The following MNAT1 variants were observed in gnomAD, a reference collection of about 807,000 sequenced individuals.
MNAT1 encodes CDK-activating kinase assembly factor MAT1.
A neutral mutation model predicts 42.0 loss-of-function variants in MNAT1; 43 were observed. The ratio of observed to expected loss-of-function variants is 1.02; its 90% CI spans 0.80 to 1.32. The LOEUF (loss-of-function observed/expected upper bound fraction) is 1.32. Among genes scored for constraint, MNAT1 ranks in the 40% most tolerant of loss-of-function variants. MNAT1 has a pLI of 0.00. For synonymous variants in MNAT1, 118 were observed against 120.0 expected (o/e 0.98, Z 0.11); for missense variants, 306 against 350.4 (o/e 0.87, Z 1.01).
intron 3 of MNAT1, among the ~76,000 whole-genome samples, chr14:60,801,177 G>A (rs1451947167): frequency 6.6e-6 from 1 of 151,802 alleles, no homozygotes; most frequent in Non-Finnish European, 1.5e-5. Context: ...AAAAACATTT[G>A]TAACAAAAGA....
intron 5 of MNAT1, among the ~76,000 whole-genome samples, chr14:60,816,047 A>G (rs1332618873): frequency 6.6e-6 from 1 of 152,140 alleles, no homozygotes; most frequent in Non-Finnish European, 1.5e-5. Flanking sequence ...TGTTTAAAAA[A>G]CAATAGCATT....
intron 7 of MNAT1, among the ~76,000 whole-genome samples, chr14:60,918,040 T>C (rs1298487537): frequency 6.6e-6 from 1 of 151,882 alleles, no homozygotes; most frequent in East Asian, 1.9e-4. Flanking sequence ...CTTACTCTTT[T>C]TGTCTTTGCT....
At chr14:60,903,410 A>G (rs1469971034) in intron 7 of MNAT1, among the ~76,000 whole-genome samples, 1 of 152,160 alleles carries the variant, frequency 6.6e-6, no homozygotes, top group Non-Finnish European at 1.5e-5. Flanking sequence ...TTTTAAATGG[A>G]TTAGTTTACG....
At chr14:60,851,921 T>C (rs753013197) in intron 6 of MNAT1, among the ~76,000 whole-genome samples, 1 of 152,220 alleles carries the variant, frequency 6.6e-6, no homozygotes, top group African/African-American at 2.4e-5. Context: ...ATGGTGTATA[T>C]GTGCCACATT....
intron 2 of MNAT1, 22 bp downstream of exon 2, chr14:60,796,391 A>G: frequency 6.3e-7 from 1 of 1,599,060 alleles, no homozygotes; most frequent in Non-Finnish European, 8.5e-7. Context: ...TGCTCGAATG[A>G]TTCAGTCAAC....
chr14:60,839,705 T>C (rs1007480556), intron 6 of MNAT1, among the ~76,000 whole-genome samples: 2 of 152,234 alleles, frequency 1.3e-5, no homozygotes, highest in Non-Finnish European at 2.9e-5. Flanking sequence ...AGCTTTCCAG[T>C]GTCACCATGT....
chr14:60,862,162 C>G (rs1467980116), intron 6 of MNAT1, among the ~76,000 whole-genome samples: 2 of 152,106 alleles, frequency 1.3e-5, no homozygotes, highest in Admixed American at 1.3e-4. Context: ...TTACTTTGCT[C>G]TTGCTAAAGA....
chr14:60,789,148 G>A (rs1270997836), intron 1 of MNAT1, among the ~76,000 whole-genome samples: 1 of 152,014 alleles, frequency 6.6e-6, no homozygotes, highest in Non-Finnish European at 1.5e-5. Context: ...TTATTAATTG[G>A]CCTAATTTAA....
intron 6 of MNAT1, among the ~76,000 whole-genome samples, chr14:60,819,895 A>G (rs1034424648): frequency 1.3e-5 from 2 of 152,182 alleles, no homozygotes; most frequent in Non-Finnish European, 2.9e-5. Flanking sequence ...AGTACACAGT[A>G]TAGTACTTGG....
intron 6 of MNAT1, among the ~76,000 whole-genome samples, chr14:60,876,957 C>T (rs938092783): frequency 1.3e-5 from 2 of 152,122 alleles, no homozygotes; most frequent in Non-Finnish European, 1.5e-5. Context: ...CAGAATCCAT[C>T]CAATTGTTGG....
At chr14:60,832,672 T>G (rs972878667) in intron 6 of MNAT1, among the ~76,000 whole-genome samples, 1 of 152,132 alleles carries the variant, frequency 6.6e-6, no homozygotes, top group African/African-American at 2.4e-5. Flanking sequence ...CTTTTTTTTT[T>G]GGTTCCATAT....
intron 6 of MNAT1, among the ~76,000 whole-genome samples, chr14:60,851,194 C>T (rs2033811780): frequency 6.6e-6 from 1 of 152,156 alleles, no homozygotes; most frequent in African/African-American, 2.4e-5. Context: ...CTTGGATGAA[C>T]TCATCCAAGT....
At chr14:60,967,965 T>C (rs2036713216) in intron 7 of MNAT1, among the ~76,000 whole-genome samples, 1 of 152,198 alleles carries the variant, frequency 6.6e-6, no homozygotes, top group Non-Finnish European at 1.5e-5. Context: ...AGTGAATATT[T>C]TAGAATTATT....
chr14:60,883,173 G>T (rs186804166), intron 7 of MNAT1, among the ~76,000 whole-genome samples: 1 of 152,076 alleles, frequency 6.6e-6, no homozygotes, highest in South Asian at 2.1e-4. Context: ...ATCCTGGAGC[G>T]TTTCCCCAAT....
intron 1 of MNAT1, among the ~76,000 whole-genome samples, chr14:60,785,413 C>T (rs2031616496): frequency 6.6e-6 from 1 of 151,826 alleles, no homozygotes; most frequent in Non-Finnish European, 1.5e-5. Flanking sequence ...ATTGATTTTC[C>T]CTAGTGTTTA....
chr14:60,756,398 T>C (rs2030350548), intron 1 of MNAT1, among the ~76,000 whole-genome samples: 1 of 152,256 alleles, frequency 6.6e-6, no homozygotes, highest in African/African-American at 2.4e-5. Context: ...TGCGTTATTG[T>C]ACATGAAATT....
rs190627846 is a variant in MNAT1, at chr14:60,911,310, G to T, written c.809+31475G>T. ...TCATTGATTTTTTTAAGGGTTTTTTGTGTCTCTATTTCCGTCAGTTCTGCT... is the reference window on the plus strand; with the variant it reads ...TCATTGATTTTTTTAAGGGTTTTTTTTGTCTCTATTTCCGTCAGTTCTGCT... On this transcript the variant is annotated intron_variant, in intron 7 of 7. Coordinates refer to ENST00000261245, the MANE Select transcript of MNAT1 (RefSeq NM_002431.4). Among the ~76,000 whole-genome samples the T allele has an allele frequency of 1.8e-3, 281 of 152,164 alleles. 3 individuals carry two copies. In the East Asian group the frequency reaches 0.05, roughly 27 times the overall value.
intron 7 of MNAT1, among the ~76,000 whole-genome samples, chr14:60,912,783 T>G (rs767627612): frequency 4.7e-4 from 71 of 152,180 alleles, no homozygotes; most frequent in Non-Finnish European, 7.9e-4. Flanking sequence ...TCAACTTTGG[T>G]GAATCTGACA....
chr14:60,904,999 G>C (rs1253642737), intron 7 of MNAT1, among the ~76,000 whole-genome samples: 5 of 3,420 alleles, frequency 1.5e-3, no homozygotes, highest in African/African-American at 2.1e-3. Flanking sequence ...TTTTTGGACG[G>C]AGTCTCGCTC....
Sources: gnomAD v4.1 joint callset for allele counts (sites outside exome capture counted in the v4.1 genomes callset) on GRCh38, gnomAD v4.1.1 for gene constraint, MANE v1.5 for transcripts, NCBI Gene and HGNC (gene_info 2026-07-23, HGNC 2026-07-21) for gene names.